CTNNA2: variants seen among roughly 807,000 people sequenced by gnomAD.
CTNNA2 encodes catenin alpha 2.
In CTNNA2, 42 loss-of-function variants were observed where a neutral mutation model predicts 101.0. The observed-to-expected ratio is 0.42, with a 90% confidence interval of 0.32 to 0.54. The LOEUF is 0.54. Ranked by LOEUF, CTNNA2 falls within the 20% of genes least tolerant of loss-of-function variation. The probability of loss-of-function intolerance (pLI) is 0.14; values close to 1 mark genes in which losing one functional copy is unlikely to be tolerated. For synonymous variants in CTNNA2, 450 were observed against 456.4 expected, an observed-to-expected ratio of 0.99 and a Z score of 0.18; for missense variants, 871 against 1,223.1, an observed-to-expected ratio of 0.71 and a Z score of 4.29.
At position 80,338,639 on chromosome 2, in the gene CTNNA2, G is replaced by C. The variant is rs190148277; in HGVS notation, c.1057-54572G>C. 2.3e-3 allele frequency among the ~76,000 whole-genome samples: 343 copies of C among 152,298 alleles called. 2 individuals are homozygous for C. Among genetic ancestry groups the C allele is most frequent in the African/African-American group, 7.8e-3 (323 of 41,580 alleles). ...TGAGCATGGCCGACTCTGGAGAGCT[G>C]CCTCCACCACTGACTGGTGAAGAAG... is the stretch of plus-strand genomic sequence containing the variant. On this transcript the variant is annotated intron_variant, in intron 7 of 18. Transcript: ENST00000402739.
intron 1 of CTNNA2, among the ~76,000 whole-genome samples, chr2:79,560,749 C>T (rs1281545135): frequency 1.3e-5 from 2 of 151,812 alleles, no homozygotes; most frequent in African/African-American, 2.4e-5. Flanking sequence ...GCTACAGAAG[C>T]TGAGTTGTGA....
intron 1 of CTNNA2, among the ~76,000 whole-genome samples, chr2:79,606,728 G>T (rs1677920607): frequency 1.3e-5 from 2 of 152,192 alleles, no homozygotes; most frequent in Non-Finnish European, 2.9e-5. Flanking sequence ...TCACTCGAAA[G>T]TGTAGTGTGA....
chr2:79,540,616 T>C (rs1163061822), intron 1 of CTNNA2, among the ~76,000 whole-genome samples: 1 of 152,228 alleles, frequency 6.6e-6, no homozygotes, highest in African/African-American at 2.4e-5. Context: ...GATGACTCAA[T>C]TGTTTTAGTT....
chr2:80,479,987 C>T (rs1686026558), intron 9 of CTNNA2, among the ~76,000 whole-genome samples: 2 of 152,132 alleles, frequency 1.3e-5, no homozygotes, highest in South Asian at 2.1e-4. Flanking sequence ...ACTTATTTTA[C>T]TAACCCTTCC....
At chr2:79,593,880 G>GTTTTTTTTTTTTTTTTTT (rs945227300) in intron 1 of CTNNA2, among the ~76,000 whole-genome samples, 1 of 85,438 alleles carries the variant, frequency 1.2e-5, no homozygotes, top group African/African-American at 5.3e-5. Flanking sequence ...CTTTCTTTTA[G>GTTTTTTTTTTTTTTTTTT]TTTTTTTTTT....
intron 11 of CTNNA2, among the ~76,000 whole-genome samples, chr2:80,551,295 A>T (rs541256877): frequency 1.6e-4 from 25 of 152,206 alleles, no homozygotes; most frequent in Admixed American, 5.2e-4. Context: ...ATTTAGCATA[A>T]CTCTTAGGGC....
chr2:79,359,243 G>A (rs991818687), intron 3 of CTNNA2, among the ~76,000 whole-genome samples: 4 of 152,150 alleles, frequency 2.6e-5, no homozygotes, highest in African/African-American at 4.8e-5. Context: ...TGCAAGAGGG[G>A]TGTTGTGACA....
chr2:79,340,016 G>A (rs1017961056), intron 3 of CTNNA2: 6 of 152,168 alleles, frequency 3.9e-5, no homozygotes, highest in South Asian at 2.1e-4. Context: ...AGATTAGTGC[G>A]CAATTCTGGA....
At chr2:80,103,745 G>T (rs1700698637) in intron 7 of CTNNA2, among the ~76,000 whole-genome samples, 1 of 152,022 alleles carries the variant, frequency 6.6e-6, no homozygotes, top group South Asian at 2.1e-4. Flanking sequence ...TTTTGTTTTT[G>T]ATTTTTTGAG....
intron 7 of CTNNA2, among the ~76,000 whole-genome samples, chr2:80,280,989 T>C (rs557013205): frequency 1.3e-5 from 2 of 152,208 alleles, no homozygotes; most frequent in South Asian, 4.1e-4. Flanking sequence ...CTTTGGTGAG[T>C]TGATTTTCCC....
chr2:80,283,686 C>T (rs947140930), intron 7 of CTNNA2, among the ~76,000 whole-genome samples: 3 of 152,098 alleles, frequency 2.0e-5, no homozygotes, highest in African/African-American at 7.2e-5. Context: ...GCCTCTGGTT[C>T]ACCCTAATGC....
At chr2:80,021,159 A>G (rs998677043) in intron 7 of CTNNA2, among the ~76,000 whole-genome samples, 6 of 151,806 alleles carry the variant, frequency 4.0e-5, no homozygotes, top group African/African-American at 1.5e-4. Flanking sequence ...AGCTGGGACT[A>G]CAGGCACATG....
intron 4 of CTNNA2, among the ~76,000 whole-genome samples, chr2:79,404,689 A>C (rs888909246): frequency 4.6e-5 from 7 of 152,090 alleles, no homozygotes; most frequent in African/African-American, 1.7e-4. Context: ...GCAGCTGTGG[A>C]ACACCTCACT....
intron 4 of CTNNA2, among the ~76,000 whole-genome samples, chr2:79,417,702 G>C (rs1349301391): frequency 1.3e-5 from 2 of 152,084 alleles, no homozygotes; most frequent in Non-Finnish European, 2.9e-5. Context: ...TGTTTTGGCA[G>C]ATTCTACTAT....
chr2:80,517,467 G>A (rs1369275748), intron 9 of CTNNA2, among the ~76,000 whole-genome samples: 1 of 152,142 alleles, frequency 6.6e-6, no homozygotes, highest in Non-Finnish European at 1.5e-5. Flanking sequence ...AGTTGCCCTG[G>A]GGCCCAGCTG....
chr2:80,095,483 G>T (rs1350727119), intron 7 of CTNNA2, among the ~76,000 whole-genome samples: 5 of 152,130 alleles, frequency 3.3e-5, no homozygotes, highest in Non-Finnish European at 5.9e-5. Context: ...TTGTGTCTCT[G>T]CCAGGCTTTG....
intron 4 of CTNNA2, among the ~76,000 whole-genome samples, chr2:79,497,076 T>C (rs1454041574): frequency 6.6e-6 from 1 of 152,194 alleles, no homozygotes; most frequent in African/African-American, 2.4e-5. Context: ...TGTCAACATT[T>C]TAAAATAAGG....
chr2:79,845,423 A>C (rs1680158101), intron 3 of CTNNA2, among the ~76,000 whole-genome samples: 1 of 152,176 alleles, frequency 6.6e-6, no homozygotes, highest in South Asian at 2.1e-4. Flanking sequence ...TACTTTGTAC[A>C]CAAGCACACA....
At chr2:79,783,508 C>A (rs1427081486) in intron 3 of CTNNA2, among the ~76,000 whole-genome samples, 1 of 152,180 alleles carries the variant, frequency 6.6e-6, no homozygotes, top group African/African-American at 2.4e-5. Context: ...TACTTGGAAA[C>A]TCATCACACA....
Sources: allele counts gnomAD v4.1 joint callset (sites outside exome capture counted in the v4.1 genomes callset), GRCh38; gene constraint gnomAD v4.1.1; transcripts MANE v1.5; gene names NCBI Gene and HGNC (gene_info 2026-07-23, HGNC 2026-07-21).